Variants in XKR4 observed in about 807,000 individuals in gnomAD.
XKR4 encodes the protein XK-related protein 4.
XKR4 carries 12 observed loss-of-function variants against 53.9 expected under a neutral mutation model. The ratio of observed to expected loss-of-function variants is 0.22; its 90% CI spans 0.14 to 0.36. XKR4 has a LOEUF of 0.36. XKR4 is among the 10% of genes least tolerant of loss of function. XKR4 has a pLI of 1.00. For missense variants in XKR4, 799 were observed against 859.5 expected, an observed-to-expected ratio of 0.93 and a Z score of 0.88; for synonymous variants, 354 against 362.4, an observed-to-expected ratio of 0.98 and a Z score of 0.26.
At chr8:55,405,660 C>A (rs1804669931) in intron 2 of XKR4, among the ~76,000 whole-genome samples, 1 of 152,196 alleles carries the variant, frequency 6.6e-6, no homozygotes, top group Non-Finnish European at 1.5e-5. Context: ...CTTCAATTCC[C>A]AAATTTATTT....
intron 1 of XKR4, among the ~76,000 whole-genome samples, chr8:55,175,833 T>C (rs1482290512): frequency 6.6e-6 from 1 of 152,144 alleles, no homozygotes; most frequent in African/African-American, 2.4e-5. Flanking sequence ...AAAATAATCA[T>C]GTATCCACTA....
At chr8:55,369,023 G>A (rs1195179098) in intron 2 of XKR4, among the ~76,000 whole-genome samples, 1 of 151,978 alleles carries the variant, frequency 6.6e-6, no homozygotes, top group African/African-American at 2.4e-5. Context: ...GAAAACCCAA[G>A]TATGCATGAA....
chr8:55,489,062 G>A (rs951432511), intron 2 of XKR4, among the ~76,000 whole-genome samples: 4 of 152,128 alleles, frequency 2.6e-5, no homozygotes, highest in Non-Finnish European at 4.4e-5. Flanking sequence ...ATACTACAAT[G>A]GTGGATACAT....
intron 1 of XKR4, among the ~76,000 whole-genome samples, chr8:55,308,124 G>A (rs199677206): frequency 6.6e-6 from 1 of 152,028 alleles, no homozygotes; most frequent in Non-Finnish European, 1.5e-5. Context: ...ATGGTGGCAT[G>A]TGCCTGTAGT....
At position 55,451,101 on chromosome 8, in the gene XKR4, C is replaced by T; in HGVS notation, c.1007-72180C>T. On this transcript the variant is annotated intron_variant, in intron 2 of 2. Transcript: ENST00000327381. ...GTCCGGCCGCACATTCTTGAGCTGG[C>T]CTTTGTCCCCGAGGATGTAGAGGGC... 1.2e-5 allele frequency: 6 copies of T among 516,934 alleles called. No homozygotes were observed. The South Asian group carries it at 1.2e-4, about 10-fold the overall frequency. 32.0% of individuals were successfully genotyped at this position (516,934 alleles called of 1,614,324 possible).
At position 55,417,334 on chromosome 8, in the gene XKR4, G is replaced by A. The variant is rs376280646; in HGVS notation, c.1006+59457G>A. Among the ~76,000 whole-genome samples the A allele has an allele frequency of 7.3e-4, 111 of 152,278 alleles. 2 individuals are homozygous for A. In the South Asian group the frequency reaches 0.022, roughly 30 times the overall value. On this transcript the variant is annotated intron_variant, in intron 2 of 2. Coordinates refer to ENST00000327381, the MANE Select transcript of XKR4 (RefSeq NM_052898.2). ...TTTTCTTTTCTTTTCTTTACATGCT[G>A]TCTAAATGGCCAAGCATTTCATAAA...
intron 1 of XKR4, among the ~76,000 whole-genome samples, chr8:55,294,165 C>G (rs1477010436): frequency 6.6e-6 from 1 of 152,172 alleles, no homozygotes; most frequent in African/African-American, 2.4e-5. Flanking sequence ...TCCTACCTCA[C>G]GATTTGTTCA....
chr8:55,394,339 G>C (rs1255935419), intron 2 of XKR4, among the ~76,000 whole-genome samples: 2 of 152,070 alleles, frequency 1.3e-5, no homozygotes, highest in Non-Finnish European at 2.9e-5. Flanking sequence ...AACTAGAGGA[G>C]GTCCTTAGTA....
At chr8:55,378,624 T>A (rs1804184475) in intron 2 of XKR4, among the ~76,000 whole-genome samples, 1 of 152,156 alleles carries the variant, frequency 6.6e-6, no homozygotes, top group Admixed American at 6.5e-5. Context: ...GGAAGGGCAT[T>A]TTATTCTGTT....
chr8:55,387,746 T>C (rs1336305208), intron 2 of XKR4, among the ~76,000 whole-genome samples: 2 of 152,178 alleles, frequency 1.3e-5, no homozygotes, highest in Admixed American at 1.3e-4. Context: ...CTCTTGGCTG[T>C]ACCCACATGC....
chr8:55,171,491 T>G (rs1025337542), intron 1 of XKR4, among the ~76,000 whole-genome samples: 1 of 152,186 alleles, frequency 6.6e-6, no homozygotes, highest in Non-Finnish European at 1.5e-5. Flanking sequence ...CCGTGTCATT[T>G]TACCTGGTGA....
chr8:55,231,794 C>A (rs1818044768), intron 1 of XKR4, among the ~76,000 whole-genome samples: 1 of 152,258 alleles, frequency 6.6e-6, no homozygotes, highest in Admixed American at 6.5e-5. Flanking sequence ...ATCCCTCCTG[C>A]AGAGTGGAAG....
chr8:55,521,901 C>G (rs1298252747), intron 2 of XKR4, among the ~76,000 whole-genome samples: 1 of 152,014 alleles, frequency 6.6e-6, no homozygotes, highest in Non-Finnish European at 1.5e-5. Flanking sequence ...CTATTATATC[C>G]AAAAGAAGAG....
chr8:55,178,739 T>C (rs971772500), intron 1 of XKR4, among the ~76,000 whole-genome samples: 6 of 152,162 alleles, frequency 3.9e-5, no homozygotes, highest in African/African-American at 1.4e-4. Context: ...ATTTGCAACA[T>C]AAAAACCAGA....
intron 2 of XKR4, chr8:55,449,562 G>T: frequency 6.8e-7 from 1 of 1,479,672 alleles, no homozygotes; most frequent in Non-Finnish European, 9.4e-7. Context: ...TGGGCTGAGG[G>T]CACGTCCTGG....
chr8:55,153,621 T>G (rs1486199648), intron 1 of XKR4, among the ~76,000 whole-genome samples: 3 of 152,210 alleles, frequency 2.0e-5, no homozygotes. Flanking sequence ...AGAATATGCC[T>G]TAAGAGTTCC....
chr8:55,395,506 G>A (rs1489779927), intron 2 of XKR4, among the ~76,000 whole-genome samples: 1 of 152,088 alleles, frequency 6.6e-6, no homozygotes, highest in Non-Finnish European at 1.5e-5. Flanking sequence ...GGAAGCAGAT[G>A]GACCCAGCCC....
intron 2 of XKR4, among the ~76,000 whole-genome samples, chr8:55,508,686 G>A (rs1459617870): frequency 2.0e-5 from 3 of 152,222 alleles, no homozygotes; most frequent in Admixed American, 1.3e-4. Context: ...AGGAGGTGGA[G>A]GCCCTGAGCA....
At chr8:55,369,801 T>C (rs1392344802) in intron 2 of XKR4, among the ~76,000 whole-genome samples, 1 of 152,180 alleles carries the variant, frequency 6.6e-6, no homozygotes, top group Non-Finnish European at 1.5e-5. Context: ...CATACCAATA[T>C]ATGGATTATC....
Sources: allele counts gnomAD v4.1 joint callset (sites outside exome capture counted in the v4.1 genomes callset), GRCh38; gene constraint gnomAD v4.1.1; transcripts MANE v1.5; gene names NCBI Gene and HGNC (gene_info 2026-07-23, HGNC 2026-07-21).